Variants in MRC2 observed in about 807,000 individuals in gnomAD.
The protein encoded by MRC2 is mannose receptor C-type 2.
A neutral mutation model predicts 206.2 loss-of-function variants in MRC2; 84 were observed. That is an observed-to-expected ratio of 0.41 (90% CI 0.34 to 0.49). The LOEUF is 0.49. MRC2 is among the 20% of genes least tolerant of loss of function. MRC2 has a pLI of 0.31. For missense variants in MRC2, 1,676 were observed against 2,001.5 expected (o/e 0.84, Z 3.10); for synonymous variants, 798 against 800.0 (o/e 1.00, Z 0.04).
rs2089135294 is a variant in MRC2 at position 62,693,486 on chromosome 17, A to G, written c.*1035A>G. The stretch of plus-strand genomic sequence containing the variant: ...GGACAATGTGAACATGGACTCGAAG[A>G]CATGGCCCTTTCTCTGTAGTTGATT... On this transcript the variant is annotated 3_prime_UTR_variant, in exon 30 of 30. Transcript: ENST00000303375. The G allele has an allele frequency of 6.6e-6, 1 of 152,636 alleles. No homozygotes were observed. Among genetic ancestry groups the G allele is most frequent in the South Asian group, 2.1e-4 (1 of 4,834 alleles). The allele number at this position is 152,636 out of a possible 1,614,324, so 9.5% of individuals were successfully genotyped here.
At chr17:62,688,454 A>T (rs374771917) in intron 21 of MRC2, 47 bp from the exon 22 acceptor site, 426 of 1,614,030 alleles carry the variant, frequency 2.6e-4, no homozygotes, top group Non-Finnish European at 3.4e-4. Flanking sequence ...CTGTCCCCCC[A>T]AATAGCTATA....
intron 1 of MRC2, among the ~76,000 whole-genome samples, chr17:62,636,745 A>G (rs2088326070): frequency 6.6e-6 from 1 of 152,060 alleles, no homozygotes; most frequent in African/African-American, 2.4e-5. Flanking sequence ...TGCTGCGATT[A>G]CAGGCGTGAG....
Position 62,675,818 on chromosome 17 carries a change from A to G in MRC2, c.1598A>G (p.Tyr533Cys). The change falls in exon 10 of 30, where the codon TAC becomes TGC. Residue 533 changes from tyrosine to cysteine, a missense_variant. This residue lies in a region of MRC2 where 1,354 missense variants were observed against 1,636.6 expected (regional missense o/e 0.83). Transcript: ENST00000303375. The surrounding 1 kb of genome is among the most constrained non-coding windows in gnomAD (Gnocchi z 4.1). ...KGWTWHSPSC[Y>C]WLGEDQVTYS... ...TGGACGTGGCACAGCCCATCCTGCT[A>G]CTGGCTGGGAGAAGACCAAGTGACC... 1.2e-6 allele frequency: 2 copies of G among 1,614,098 alleles called. No homozygotes were observed. The highest frequency in any genetic ancestry group is 8.5e-7 in the Non-Finnish European group (1 of 1,179,972).
In MRC2 at chr17:62,652,690, T is replaced by C. The variant is rs1449843697; in HGVS notation, c.119-11858T>C. ...GCGGCGGAGCGGGAAGTGCCACAGA[T>C]TGAGGGGCGCACGGCGGTGGAGGGA... On this transcript the variant is annotated intron_variant, in intron 1 of 29. Coordinates refer to ENST00000303375, the MANE Select transcript of MRC2 (RefSeq NM_006039.5). This position sits in a 1 kb window ranked among gnomAD's most constrained non-coding sequence, Gnocchi z 4.6. 6.7e-6 allele frequency among the ~76,000 whole-genome samples: 1 copy of C among 148,518 alleles called. No homozygotes were observed. Among genetic ancestry groups the C allele is most frequent in the Non-Finnish European group, 1.5e-5 (1 of 67,228 alleles).
chr17:62,681,961 T>A, intron 19 of MRC2, 24 bp downstream of exon 19: 1 of 1,599,556 alleles, frequency 6.3e-7, no homozygotes, highest in Non-Finnish European at 8.6e-7. Flanking sequence ...GGGGGCAGAG[T>A]GCGCAGTCAG....
At chr17:62,635,136 GT>G (rs112574606) in intron 1 of MRC2, among the ~76,000 whole-genome samples, 20 of 117,510 alleles carry the variant, frequency 1.7e-4, no homozygotes, top group South Asian at 5.6e-4. Context: ...CAGCCCCATT[GT>G]TTTTTTTTTA....
chr17:62,644,763 G>A (rs1408302047), intron 1 of MRC2, among the ~76,000 whole-genome samples: 1 of 152,082 alleles, frequency 6.6e-6, no homozygotes, highest in African/African-American at 2.4e-5. Flanking sequence ...CCTCATTTGG[G>A]ACTTACGTGA....
chr17:62,681,805 G>A, intron 18 of MRC2, 32 bp from the exon 19 acceptor site: 1 of 1,567,220 alleles, frequency 6.4e-7, no homozygotes, highest in South Asian at 1.1e-5. Context: ...GGGGGCCGGT[G>A]CTGGAGTTAC....
At chr17:62,638,473 T>C (rs2088354776) in intron 1 of MRC2, among the ~76,000 whole-genome samples, 3 of 152,138 alleles carry the variant, frequency 2.0e-5, no homozygotes, top group East Asian at 1.9e-4. Flanking sequence ...GGCGTGGTGG[T>C]TCATGCCTAT....
At chr17:62,682,994 C>T (rs951763056) in intron 20 of MRC2, among the ~76,000 whole-genome samples, 2 of 152,020 alleles carry the variant, frequency 1.3e-5, no homozygotes, top group Non-Finnish European at 2.9e-5. Flanking sequence ...ATTAGTAAAA[C>T]AAAATATTGA....
chr17:62,689,812 C>A, intron 24 of MRC2, 52 bp downstream of exon 24: 1 of 1,534,082 alleles, frequency 6.5e-7, no homozygotes, highest in Non-Finnish European at 8.8e-7. Context: ...GGGTTCCCCT[C>A]CCTGCCCCTT....
intron 2 of MRC2, among the ~76,000 whole-genome samples, chr17:62,665,410 C>CA (rs1320463372): frequency 4.4e-5 from 6 of 135,868 alleles, no homozygotes; most frequent in African/African-American, 1.0e-4. Flanking sequence ...GTCCCCCCCC[C>CA]CACAAAAAAA....
intron 20 of MRC2, among the ~76,000 whole-genome samples, chr17:62,686,027 C>T (rs2089027003): frequency 6.6e-6 from 1 of 152,138 alleles, no homozygotes; most frequent in South Asian, 2.1e-4. Context: ...ACAATTTTTC[C>T]ATGTACTAGG....
At chr17:62,636,469 T>A (rs1189529194) in intron 1 of MRC2, among the ~76,000 whole-genome samples, 1 of 140,860 alleles carries the variant, frequency 7.1e-6, no homozygotes, top group African/African-American at 2.7e-5. Flanking sequence ...TGATTTTTTT[T>A]TTTTTTTTTT....
intron 1 of MRC2, among the ~76,000 whole-genome samples, chr17:62,657,946 C>T (rs1434790365): frequency 6.6e-6 from 1 of 152,146 alleles, no homozygotes; most frequent in Non-Finnish European, 1.5e-5. Context: ...CCCCCGGATC[C>T]ACCTACAGGA....
chr17:62,680,770 G>C lies in MRC2; in HGVS notation c.2474-30G>C, dbSNP rs772414055. Reference sequence around the variant, plus strand: ...CCTGGCGTGCAGCCTCTGCCTGGCCGCCGCTCCCACGCCCGCGCTGCTCCT... The same window carrying C: ...CCTGGCGTGCAGCCTCTGCCTGGCCCCCGCTCCCACGCCCGCGCTGCTCCT... On this transcript the variant is annotated intron_variant, in intron 16 of 29. Coordinates refer to ENST00000303375, the MANE Select transcript of MRC2 (RefSeq NM_006039.5). The surrounding 1 kb of genome is among the most constrained non-coding windows in gnomAD (Gnocchi z 4.8). 17 of 1,543,944 alleles carry C rather than the reference G, an allele frequency of 1.1e-5. 1 individual carries two copies. The highest frequency in any genetic ancestry group is 4.0e-4 in the Middle Eastern group (2 of 5,020).
chr17:62,640,724 G>A (rs2088391346), intron 1 of MRC2, among the ~76,000 whole-genome samples: 1 of 147,598 alleles, frequency 6.8e-6, no homozygotes, highest in African/African-American at 2.5e-5. Flanking sequence ...TCGCTCTGTC[G>A]CCCAGGCTGG....
At position 62,655,721 on chromosome 17, in the gene MRC2, T is replaced by TA. The variant is rs71155946; in HGVS notation, c.119-8810dup. ...ACAACAGAACGAAACTCTGTCTCTT[T>TA]AAAAAAAAAAAAAAAAAGAAAAAGA... is the stretch of plus-strand genomic sequence containing the variant. On this transcript the variant is annotated intron_variant, in intron 1 of 29. Transcript: ENST00000303375. 3.6e-3 allele frequency among the ~76,000 whole-genome samples: 456 copies of TA among 126,166 alleles called. 6 individuals carry two copies. Among genetic ancestry groups the TA allele is most frequent in the Non-Finnish European group, 4.5e-3 (272 of 60,632 alleles). 82.8% of individuals were successfully genotyped at this position (126,166 alleles called of 152,430 possible). A position where few individuals can be genotyped will look rare whatever the true frequency, so the allele number is the denominator to read the frequency against.
intron 1 of MRC2, among the ~76,000 whole-genome samples, chr17:62,638,732 T>C (rs778871717): frequency 3.5e-5 from 4 of 115,448 alleles, no homozygotes; most frequent in Non-Finnish European, 5.2e-5. Flanking sequence ...AGTGAAACCC[T>C]GTCTCAAAAA....
Sources: gnomAD v4.1 joint callset for allele counts (sites outside exome capture counted in the v4.1 genomes callset) on GRCh38, gnomAD v4.1.1 for gene constraint, gnomAD v4.1.1 regional missense constraint, Gnocchi (gnomAD v3.1) non-coding constraint, MANE v1.5 for transcripts, NCBI Gene and HGNC (gene_info 2026-07-23, HGNC 2026-07-21) for gene names.